ZNF100: variants seen among roughly 807,000 people sequenced by gnomAD.
ZNF100 encodes the protein zinc finger protein 100.
In ZNF100, 12 loss-of-function variants were observed where a neutral mutation model predicts 15.8. The observed-to-expected ratio is 0.76, with a 90% CI of 0.49 to 1.23. ZNF100 has a LOEUF of 1.23. Ranked by LOEUF, ZNF100 falls within the 50% of genes most tolerant of loss-of-function variation. ZNF100 has a pLI of 0.00. For missense variants in ZNF100, 670 were observed against 635.6 expected (o/e 1.05, Z -0.58); for synonymous variants, 226 against 214.8 (o/e 1.05, Z -0.45).
chr19:21,733,720 T>C (rs1356426153), intron 4 of ZNF100, among the ~76,000 whole-genome samples: 2 of 152,264 alleles, frequency 1.3e-5, no homozygotes, highest in African/African-American at 2.4e-5. Flanking sequence ...GAGTGCCTTG[T>C]TAAATGGTTC....
intron 4 of ZNF100, among the ~76,000 whole-genome samples, chr19:21,731,332 G>A (rs1599378620): frequency 7.0e-6 from 1 of 142,002 alleles, no homozygotes; most frequent in East Asian, 2.1e-4. Context: ...TTTTTGAGAT[G>A]GAGTCTTGCA....
At chr19:21,744,220 C>A (rs2036171958) in intron 3 of ZNF100, 105 bp from the exon 4 acceptor site, 6 of 1,028,916 alleles carry the variant, frequency 5.8e-6, no homozygotes, top group Non-Finnish European at 2.6e-6. Context: ...GAAAATTAAT[C>A]CTAACGTACT....
chr19:21,765,505 A>C (rs1212809159), intron 2 of ZNF100, among the ~76,000 whole-genome samples, 189 bp downstream of exon 2: 1 of 152,142 alleles, frequency 6.6e-6, no homozygotes, highest in African/African-American at 2.4e-5. Context: ...CAAAATTTTC[A>C]CTTTTTTTTC....
chr19:21,726,612 A>G lies in ZNF100; in HGVS notation c.*71T>C, dbSNP rs1007413525. On this transcript the variant is annotated 3_prime_UTR_variant, in exon 5 of 5. Transcript: ENST00000358296. The stretch of plus-strand genomic sequence containing the variant: ...TTGCCATATTCTTCACAGTCACAGG[A>G]GTTCCCTCCAGTATGAATTTTTTTA... The G allele has an allele frequency of 6.0e-6, 8 of 1,338,496 alleles. No individual in the cohort carries two copies. In the African/African-American group the frequency reaches 1.2e-4, roughly 20 times the overall value. The allele number at this position is 1,338,496 out of a possible 1,614,324, so 82.9% of individuals were successfully genotyped here. A position where few individuals can be genotyped will look rare whatever the true frequency, so the allele number is the denominator to read the frequency against.
chr19:21,743,649 A>C (rs113280837), intron 4 of ZNF100, among the ~76,000 whole-genome samples: 3 of 152,278 alleles, frequency 2.0e-5, no homozygotes, highest in African/African-American at 7.2e-5. Flanking sequence ...ACTAAAAAAT[A>C]GTTTAACATA....
At position 21,757,973 on chromosome 19, in the gene ZNF100, G is replaced by A. The variant is rs1315958945; in HGVS notation, c.96+7721C>T. ...GACCCCTTGAGCCTTGGAGGTTGAG[G>A]CTGAAGTGAGCCACAACTGTACTGC... On this transcript the variant is annotated intron_variant, in intron 2 of 4. Coordinates refer to ENST00000358296, the MANE Select transcript of ZNF100 (RefSeq NM_173531.4). Among the ~76,000 whole-genome samples the A allele has an allele frequency of 2.0e-5, 3 of 152,144 alleles. No individual in the cohort carries two copies. The East Asian group carries it at 5.8e-4, about 30-fold the overall frequency.
At chr19:21,743,588 C>T (rs1012288869) in intron 4 of ZNF100, among the ~76,000 whole-genome samples, 5 of 150,758 alleles carry the variant, frequency 3.3e-5, no homozygotes, top group African/African-American at 4.9e-5. Flanking sequence ...AACAAAACAA[C>T]GGAACAGAAA....
Position 21,726,562 on chromosome 19 carries a change from A to G in ZNF100, c.*121T>C. 1 of 887,030 alleles carries G rather than the reference A, an allele frequency of 1.1e-6. No homozygotes were observed. The highest frequency in any genetic ancestry group is 1.7e-6 in the Non-Finnish European group (1 of 591,786). The allele number at this position is 887,030 out of a possible 1,614,324, so 54.9% of individuals were successfully genotyped here. On this transcript the variant is annotated 3_prime_UTR_variant, in exon 5 of 5. Transcript: ENST00000358296. ...TAGTATGAATTATCTTATGTCTGTT[A>G]GGAATTGAGAATTTATTAAAGGCTT...
At chr19:21,763,465 C>T (rs1463807432) in intron 2 of ZNF100, among the ~76,000 whole-genome samples, 1 of 152,098 alleles carries the variant, frequency 6.6e-6, no homozygotes, top group Non-Finnish European at 1.5e-5. Flanking sequence ...TGGCACGCAC[C>T]TGTATTCCCA....
chr19:21,734,889 T>C (rs900560446), intron 4 of ZNF100, among the ~76,000 whole-genome samples: 2 of 152,214 alleles, frequency 1.3e-5, no homozygotes, highest in South Asian at 2.1e-4. Context: ...CCAGAAGACA[T>C]TGGGGGCCAA....
chr19:21,763,057 G>A (rs923587546), intron 2 of ZNF100, among the ~76,000 whole-genome samples: 62 of 152,244 alleles, frequency 4.1e-4, no homozygotes, highest in Non-Finnish European at 8.4e-4. Context: ...AAATGGGGAG[G>A]CATAAATACT....
At chr19:21,734,572 CT>C (rs2035976379) in intron 4 of ZNF100, among the ~76,000 whole-genome samples, 1 of 152,056 alleles carries the variant, frequency 6.6e-6, no homozygotes, top group African/African-American at 2.4e-5. Flanking sequence ...ACAGACCAAA[CT>C]TACAACTGAT....
At chr19:21,741,805 T>C (rs2036114472) in intron 4 of ZNF100, among the ~76,000 whole-genome samples, 3 of 152,104 alleles carry the variant, frequency 2.0e-5, no homozygotes, top group African/African-American at 7.2e-5. Context: ...ATTTCCCAAG[T>C]AGCTGAAACC....
In ZNF100 at chr19:21,725,227, T is replaced by C. The variant is rs1028378247; in HGVS notation, c.*1456A>G. 1.3e-5 allele frequency: 2 copies of C among 152,078 alleles called. No individual in the cohort carries two copies. The highest frequency in any genetic ancestry group is 4.8e-5 in the African/African-American group (2 of 41,354). The allele number at this position is 152,078 out of a possible 1,614,324, so 9.4% of individuals were successfully genotyped here. On this transcript the variant is annotated 3_prime_UTR_variant, in exon 5 of 5. Transcript: ENST00000358296. ...CCTTGAGTAAGGTGGAATAGGTTAA[T>C]GTCTGTGGCATAATAACACTTCACT...
chr19:21,751,693 T>G, intron 2 of ZNF100: 1 of 1,211,964 alleles, frequency 8.3e-7, no homozygotes, highest in Non-Finnish European at 1.2e-6. Context: ...AGTTTAATAT[T>G]AATGTTCCTG....
intron 2 of ZNF100, among the ~76,000 whole-genome samples, chr19:21,764,641 G>A (rs566055133): frequency 9.4e-5 from 14 of 148,878 alleles, no homozygotes; most frequent in Admixed American, 3.3e-4. Flanking sequence ...CTCCGTGTGG[G>A]GAAAAAAAAA....
intron 1 of ZNF100, among the ~76,000 whole-genome samples, chr19:21,767,091 A>G (rs1318908154): frequency 6.6e-6 from 1 of 152,210 alleles, no homozygotes; most frequent in Non-Finnish European, 1.5e-5. Flanking sequence ...AGATCTTCCC[A>G]TTCATGAACC....
rs775912967 is a variant in ZNF100 at position 21,724,850 on chromosome 19, G to T, written c.*1833C>A. The T allele has an allele frequency of 6.6e-6, 1 of 152,074 alleles. No individual in the cohort carries two copies. The highest frequency in any genetic ancestry group is 6.6e-5 in the Admixed American group (1 of 15,258). The allele number at this position is 152,074 out of a possible 1,614,324, so 9.4% of individuals were successfully genotyped here. A position where few individuals can be genotyped will look rare whatever the true frequency, so the allele number is the denominator to read the frequency against. ...GCAAATCATTTAAGGTCAGGAGTTC[G>T]AGACCAGCTTGACTTACATTATGAA... On this transcript the variant is annotated 3_prime_UTR_variant, in exon 5 of 5. Transcript: ENST00000358296.
At chr19:21,755,489 G>A (rs927830394) in intron 2 of ZNF100, among the ~76,000 whole-genome samples, 6 of 152,088 alleles carry the variant, frequency 3.9e-5, no homozygotes, top group Non-Finnish European at 7.3e-5. Flanking sequence ...TTGGTGGGAA[G>A]GCAAATTAGT....
Sources: allele counts gnomAD v4.1 joint callset (sites outside exome capture counted in the v4.1 genomes callset), GRCh38; gene constraint gnomAD v4.1.1; transcripts MANE v1.5; gene names NCBI Gene and HGNC (gene_info 2026-07-23, HGNC 2026-07-21).